FBXW7: variants seen among roughly 807,000 people sequenced by gnomAD.
FBXW7 encodes the protein F-box/WD repeat-containing protein 7.
A neutral mutation model predicts 86.3 loss-of-function variants in FBXW7; 11 were observed. The observed-to-expected ratio is 0.13, with a 90% CI of 0.08 to 0.21. FBXW7 has a LOEUF of 0.21. Ranked by LOEUF, FBXW7 falls within the 10% of genes least tolerant of loss-of-function variation. The probability of loss-of-function intolerance (pLI) is 1.00; values close to 1 mark genes in which losing one functional copy is unlikely to be tolerated. For missense variants in FBXW7, 488 were observed against 847.4 expected (o/e 0.58, Z 5.27); for synonymous variants, 313 against 297.9 (o/e 1.05, Z -0.52).
At chr4:152,437,059 T>C (rs561985727) in intron 2 of FBXW7, among the ~76,000 whole-genome samples, 2 of 152,312 alleles carry the variant, frequency 1.3e-5, no homozygotes, top group African/African-American at 4.8e-5. Context: ...AGCTGTTTTA[T>C]ATATATACAT....
At chr4:152,465,595 A>G (rs1346736900) in intron 2 of FBXW7, among the ~76,000 whole-genome samples, 1 of 152,192 alleles carries the variant, frequency 6.6e-6, no homozygotes, top group Admixed American at 6.5e-5. Flanking sequence ...CTGCAATCCC[A>G]GCACTTTGGG....
intron 2 of FBXW7, among the ~76,000 whole-genome samples, chr4:152,431,054 C>T (rs1300471315): frequency 6.6e-6 from 1 of 152,118 alleles, no homozygotes; most frequent in Non-Finnish European, 1.5e-5. Context: ...GAAAATGGAA[C>T]GAGTGTTTCT....
intron 4 of FBXW7, among the ~76,000 whole-genome samples, chr4:152,365,074 T>TG (rs1318127621): frequency 1.3e-5 from 2 of 151,240 alleles, no homozygotes; most frequent in Non-Finnish European, 2.9e-5. Flanking sequence ...GTTCGAAGAG[T>TG]GTTAAGAATG....
chr4:152,443,211 G>A (rs972489514), intron 2 of FBXW7, among the ~76,000 whole-genome samples: 9 of 152,094 alleles, frequency 5.9e-5, no homozygotes, highest in African/African-American at 1.9e-4. Flanking sequence ...GTGGTGAGCC[G>A]AAATCGCACC....
At chr4:152,444,644 C>A (rs565935495) in intron 2 of FBXW7, among the ~76,000 whole-genome samples, 9 of 152,234 alleles carry the variant, frequency 5.9e-5, no homozygotes, top group Admixed American at 1.3e-4. Flanking sequence ...GGCATAGAAA[C>A]AAGGTAAAAC....
At chr4:152,324,887 T>TA (rs932742610) in intron 12 of FBXW7, 21 of 153,086 alleles carry the variant, frequency 1.4e-4, no homozygotes, top group African/African-American at 5.1e-4. Context: ...AAACTGTGTG[T>TA]AAAATAAAAT....
chr4:152,390,778 T>C (rs1470357352), intron 4 of FBXW7, among the ~76,000 whole-genome samples: 1 of 151,992 alleles, frequency 6.6e-6, no homozygotes, highest in Non-Finnish European at 1.5e-5. Flanking sequence ...CAGGGAGTCA[T>C]AATACTAATT....
chr4:152,504,552 T>C (rs1747238434), intron 2 of FBXW7, among the ~76,000 whole-genome samples: 1 of 152,182 alleles, frequency 6.6e-6, no homozygotes, highest in Non-Finnish European at 1.5e-5. Context: ...CAAAGTCTAC[T>C]ACATTCTACT....
At chr4:152,415,102 G>A (rs1306731597) in intron 2 of FBXW7, among the ~76,000 whole-genome samples, 1 of 152,122 alleles carries the variant, frequency 6.6e-6, no homozygotes, top group East Asian at 1.9e-4. Flanking sequence ...AATGCTTAGA[G>A]GAATAAAAGT....
chr4:152,507,440 T>G (rs1240971240), intron 2 of FBXW7, among the ~76,000 whole-genome samples: 1 of 152,208 alleles, frequency 6.6e-6, no homozygotes. Flanking sequence ...TTTGACACAA[T>G]GTAACTTGTG....
chr4:152,386,933 T>C (rs1735574525), intron 4 of FBXW7, among the ~76,000 whole-genome samples: 2 of 152,170 alleles, frequency 1.3e-5, no homozygotes, highest in South Asian at 4.1e-4. Context: ...GTAACAACAA[T>C]AAAAATACCA....
intron 4 of FBXW7, among the ~76,000 whole-genome samples, chr4:152,409,143 G>A (rs1737705587): frequency 6.6e-6 from 1 of 152,140 alleles, no homozygotes; most frequent in Non-Finnish European, 1.5e-5. Context: ...GGGATGATGG[G>A]TAAAATTCAG....
intron 4 of FBXW7, among the ~76,000 whole-genome samples, chr4:152,402,283 A>G (rs909285799): frequency 9.9e-5 from 15 of 152,232 alleles, no homozygotes; most frequent in Admixed American, 1.3e-4. Context: ...TTTGTTGACT[A>G]ATAATTAGGT....
At chr4:152,352,730 T>C (rs149080811) in intron 4 of FBXW7, 8 of 1,613,312 alleles carry the variant, frequency 5.0e-6, no homozygotes, top group Non-Finnish European at 5.1e-6. Flanking sequence ...GGGACACACA[T>C]ACATACATGC....
In FBXW7 at chr4:152,455,469, C is replaced by T. The variant is rs1318301073; in HGVS notation, c.-119-42940G>A. Among the ~76,000 whole-genome samples the T allele has an allele frequency of 2.6e-5, 4 of 152,344 alleles. No individual in the cohort carries two copies. The East Asian group carries it at 7.7e-4, about 29-fold the overall frequency. On this transcript the variant is annotated intron_variant, in intron 2 of 13. Transcript: ENST00000281708. ...TATTCTCTAAGACGATACACATTTT[C>T]TCTACTGTGCTCCTCACTTCCTTCT...
chr4:152,459,075 C>G (rs966569637), intron 2 of FBXW7, among the ~76,000 whole-genome samples: 2 of 152,030 alleles, frequency 1.3e-5, no homozygotes, highest in Admixed American at 1.3e-4. Flanking sequence ...GTGAAATGGC[C>G]CCCTAGGAGA....
At position 152,332,594 on chromosome 4, in the gene FBXW7, ACC is replaced by A; in HGVS notation, c.985_985+1del. Reference sequence around the variant, plus strand: ...TATTCTCTATGCAATTTTGAACCTTACCCTCTTCTTTGCATTTCTCTCTCCAG... The same window carrying A: ...TATTCTCTATGCAATTTTGAACCTTACTCTTCTTTGCATTTCTCTCTCCAG... On this transcript the variant is annotated splice_donor_variant and coding_sequence_variant, in exon 8 of 14. Coordinates refer to ENST00000281708, the MANE Select transcript of FBXW7 (RefSeq NM_001349798.2). LOFTEE classifies it high-confidence loss of function. 1 of 1,577,502 alleles carries A rather than the reference ACC, an allele frequency of 6.3e-7. No individual in the cohort carries two copies. Among genetic ancestry groups the A allele is most frequent in the Non-Finnish European group, 8.6e-7 (1 of 1,156,524 alleles).
chr4:152,508,417 G>T lies in FBXW7; in HGVS notation c.-120+26524C>A, dbSNP rs555083683. Among the ~76,000 whole-genome samples, 15 of 152,210 alleles carry T rather than the reference G, an allele frequency of 9.9e-5. No individual in the cohort carries two copies. In the East Asian group the frequency reaches 1.5e-3, roughly 16 times the overall value. On this transcript the variant is annotated intron_variant, in intron 2 of 13. Coordinates refer to ENST00000281708, the MANE Select transcript of FBXW7 (RefSeq NM_001349798.2). ...AATAAAAGTTAAAGTCTGGGGCCAGGCAGTGGCTCACGCTTGTAATCCCAA... is the reference window on the plus strand; with the variant it reads ...AATAAAAGTTAAAGTCTGGGGCCAGTCAGTGGCTCACGCTTGTAATCCCAA...
At chr4:152,529,730 G>A (rs1455127719) in intron 2 of FBXW7, among the ~76,000 whole-genome samples, 1 of 152,102 alleles carries the variant, frequency 6.6e-6, no homozygotes, top group African/African-American at 2.4e-5. Context: ...ACTGAGGGAG[G>A]TCGAGGTAGA....
Sources: allele counts gnomAD v4.1 joint callset (sites outside exome capture counted in the v4.1 genomes callset), GRCh38; gene constraint gnomAD v4.1.1; transcripts MANE v1.5; gene names NCBI Gene and HGNC (gene_info 2026-07-23, HGNC 2026-07-21).